The following TAFA2 variants were observed in gnomAD, a reference collection of about 807,000 sequenced individuals.
TAFA2 encodes the protein chemokine-like protein TAFA-2.
A neutral mutation model predicts 18.8 loss-of-function variants in TAFA2; 7 were observed. That is an observed-to-expected ratio of 0.37 (90% CI 0.21 to 0.70). The LOEUF is 0.70. Among genes scored for constraint, TAFA2 ranks in the 30% least tolerant of loss-of-function variants. The probability of loss-of-function intolerance (pLI) is 0.53; values close to 1 mark genes in which losing one functional copy is unlikely to be tolerated. For synonymous variants in TAFA2, 60 were observed against 54.2 expected (o/e 1.11, Z -0.47); for missense variants, 122 against 158.1 (o/e 0.77, Z 1.23).
At chr12:62,173,132 G>C (rs189377001) in intron 1 of TAFA2, among the ~76,000 whole-genome samples, 364 of 152,130 alleles carry the variant, frequency 2.4e-3, no homozygotes, top group African/African-American at 8.0e-3. Flanking sequence ...AGTGTAAAAG[G>C]CTGGGTGTGG....
intron 1 of TAFA2, among the ~76,000 whole-genome samples, chr12:62,123,772 C>CCACACACACACACACACACACACA (rs369871302): frequency 4.3e-5 from 3 of 69,062 alleles, no homozygotes; most frequent in East Asian, 3.2e-4. Flanking sequence ...ATCTCCCCCA[C>CCACACACACACACACACACACACA]CACACACATA....
intron 1 of TAFA2, among the ~76,000 whole-genome samples, chr12:62,051,838 T>C (rs548851508): frequency 6.6e-6 from 1 of 152,174 alleles, no homozygotes; most frequent in Admixed American, 6.5e-5. Context: ...ATAAGTTTTA[T>C]AGATAATTTA....
chr12:62,091,200 T>A (rs1444259), intron 1 of TAFA2, among the ~76,000 whole-genome samples: 28,249 of 151,812 alleles, frequency 0.19, 2,874 homozygotes, highest in East Asian at 0.39. Context: ...GCCATTCCAG[T>A]CCACAGTGAA....
At chr12:62,194,131 C>T (rs1783463726), upstream of TAFA2, among the ~76,000 whole-genome samples, 1 of 152,086 alleles carries the variant, frequency 6.6e-6, no homozygotes, top group Non-Finnish European at 1.5e-5. Flanking sequence ...AGGAAAGCAA[C>T]GTTTACATTT....
At position 61,810,499 on chromosome 12, in the gene TAFA2, A is replaced by G. The variant is rs1048498226; in HGVS notation, c.107-55475T>C. ...CAGATCAGACTTATTGTTTTACACA[A>G]TGATTTCTATTACTTAAAGGTGACT... On this transcript the variant is annotated intron_variant, in intron 2 of 4. Coordinates refer to ENST00000416284, the MANE Select transcript of TAFA2 (RefSeq NM_178539.5). 3.3e-5 allele frequency among the ~76,000 whole-genome samples: 5 copies of G among 151,536 alleles called. No individual in the cohort carries two copies. In the East Asian group the frequency reaches 7.7e-4, roughly 23 times the overall value.
intron 1 of TAFA2, among the ~76,000 whole-genome samples, chr12:62,221,923 C>T (rs1057126810): frequency 8.5e-5 from 13 of 152,128 alleles, no homozygotes; most frequent in African/African-American, 2.6e-4. Flanking sequence ...ATTTTTAACA[C>T]GCAACTACAA....
At position 62,002,719 on chromosome 12, in the gene TAFA2, C is replaced by T. The variant is rs190783332; in HGVS notation, c.-1-135293G>A. 1.3e-3 allele frequency among the ~76,000 whole-genome samples: 191 copies of T among 152,270 alleles called. 2 individuals carry two copies. Among genetic ancestry groups the T allele is most frequent in the Non-Finnish European group, 1.8e-4 (12 of 68,026 alleles). ...GTCCTTCCAACACTCTGGCCCCTTC[C>T]TGAATTTCTCTCTTCCAATAATCAT... On this transcript the variant is annotated intron_variant, in intron 1 of 4. Transcript: ENST00000416284.
intron 2 of TAFA2, among the ~76,000 whole-genome samples, chr12:61,837,324 G>A (rs1872975474): frequency 6.6e-6 from 1 of 151,768 alleles, no homozygotes; most frequent in Non-Finnish European, 1.5e-5. Context: ...ATTTCCATAT[G>A]CGATTCCTTC....
At chr12:61,748,546 C>T (rs756452717) in intron 4 of TAFA2, among the ~76,000 whole-genome samples, 81 of 152,110 alleles carry the variant, frequency 5.3e-4, no homozygotes, top group Admixed American at 8.5e-4. Context: ...TTTCCTCTTG[C>T]TGTGTACATC....
intron 1 of TAFA2, among the ~76,000 whole-genome samples, chr12:62,153,128 G>C (rs2062340868): frequency 6.6e-6 from 1 of 152,276 alleles, no homozygotes; most frequent in East Asian, 1.9e-4. Flanking sequence ...AGAAGGTCCA[G>C]CTATGATGCA....
intron 4 of TAFA2, among the ~76,000 whole-genome samples, chr12:61,738,776 A>T (rs895614610): frequency 6.6e-6 from 1 of 152,064 alleles, no homozygotes; most frequent in Admixed American, 6.6e-5. Context: ...TTTTGTGGCT[A>T]TTCTAAAAGA....
chr12:62,145,081 T>C (rs2062270941), intron 1 of TAFA2, among the ~76,000 whole-genome samples: 1 of 152,234 alleles, frequency 6.6e-6, no homozygotes, highest in South Asian at 2.1e-4. Flanking sequence ...TAACTTCTTA[T>C]TCAGCTTTTG....
At chr12:61,905,836 C>T (rs908517808) in intron 1 of TAFA2, among the ~76,000 whole-genome samples, 5 of 152,088 alleles carry the variant, frequency 3.3e-5, no homozygotes, top group African/African-American at 9.7e-5. Flanking sequence ...TAACAAAATG[C>T]CTTTGACAAC....
intron 1 of TAFA2, among the ~76,000 whole-genome samples, chr12:62,173,277 G>A (rs1358388412): frequency 5.3e-5 from 8 of 152,066 alleles, no homozygotes; most frequent in South Asian, 2.1e-4. Flanking sequence ...TTAGCTGCAC[G>A]TCGTGCGCGC....
At position 61,896,756 on chromosome 12, in the gene TAFA2, C is replaced by T. The variant is rs1193243954; in HGVS notation, c.-1-29330G>A. On this transcript the variant is annotated intron_variant, in intron 1 of 4. Transcript: ENST00000416284. Reference sequence around the variant, plus strand: ...GCTCAGCAGGCACTGAACAACATGTCACATTGTCAACCAAATGCTAAATAT... The same window carrying T: ...GCTCAGCAGGCACTGAACAACATGTTACATTGTCAACCAAATGCTAAATAT... Among the ~76,000 whole-genome samples, 3 of 152,134 alleles carry T rather than the reference C, an allele frequency of 2.0e-5. No individual in the cohort carries two copies. In the East Asian group the frequency reaches 5.8e-4, roughly 29 times the overall value.
intron 2 of TAFA2, among the ~76,000 whole-genome samples, chr12:61,836,741 A>ATG (rs1565651177): frequency 1.2e-5 from 1 of 82,816 alleles, no homozygotes; most frequent in African/African-American, 3.3e-5. Flanking sequence ...TGATATATAT[A>ATG]TATATATATA....
At chr12:62,176,403 C>T (rs1040899803) in intron 1 of TAFA2, among the ~76,000 whole-genome samples, 3 of 152,092 alleles carry the variant, frequency 2.0e-5, no homozygotes, top group Admixed American at 6.6e-5. Context: ...TAGACTATTC[C>T]CACCCTACCC....
chr12:61,993,165 G>A (rs1880066821), intron 1 of TAFA2, among the ~76,000 whole-genome samples: 1 of 152,142 alleles, frequency 6.6e-6, no homozygotes, highest in African/African-American at 2.4e-5. Flanking sequence ...CTGGGCTGAT[G>A]TCCTTACCAT....
At chr12:61,983,558 C>A (rs1879714887) in intron 1 of TAFA2, among the ~76,000 whole-genome samples, 1 of 152,064 alleles carries the variant, frequency 6.6e-6, no homozygotes, top group Admixed American at 6.5e-5. Flanking sequence ...CAGGCACGTG[C>A]CACCACGCCC....
Sources: allele counts gnomAD v4.1 joint callset (sites outside exome capture counted in the v4.1 genomes callset), GRCh38; gene constraint gnomAD v4.1.1; transcripts MANE v1.5; gene names NCBI Gene and HGNC (gene_info 2026-07-23, HGNC 2026-07-21).